DUSP11: variants seen among roughly 807,000 people sequenced by gnomAD.
DUSP11 encodes the protein RNA/RNP complex-1-interacting phosphatase.
Under a neutral mutation model 41.4 loss-of-function variants are expected in DUSP11, and 27 were observed. That is an observed-to-expected ratio of 0.65 (90% confidence interval 0.48 to 0.90). The LOEUF is 0.90. Ranked by LOEUF, DUSP11 falls within the 40% of genes least tolerant of loss-of-function variation. The pLI is 0.00. For synonymous variants in DUSP11, 188 were observed against 159.3 expected (o/e 1.18, Z -1.35); for missense variants, 465 against 461.1 (o/e 1.01, Z -0.08).
rs535251905 is a variant in DUSP11, at chr2:73,779,893, C to T, written c.223G>A (p.Gly75Arg). Residue 75 changes from glycine (G) to arginine (R), a missense_variant, in exon 1 of 9, where the codon GGA becomes AGA. Transcript: ENST00000272444. The stretch of plus-strand genomic sequence containing the variant: ...TACTACCTTTCGGGGATGTGGTTTC[C>T]GCCCTTCTTCTTGGCTGAGGAGCGT... 10 of 1,614,192 alleles carry T rather than the reference C, an allele frequency of 6.2e-6. No individual in the cohort carries two copies. The South Asian group carries it at 9.9e-5, about 16-fold the overall frequency.
intron 2 of DUSP11, among the ~76,000 whole-genome samples, chr2:73,776,888 A>G (rs1344998525): frequency 6.6e-6 from 1 of 152,246 alleles, no homozygotes; most frequent in East Asian, 1.9e-4. Context: ...ATATACGTGA[A>G]GCCCTTTTAT....
At chr2:73,767,527 A>C (rs1369843007) in intron 5 of DUSP11, 2 of 202,164 alleles carry the variant, frequency 9.9e-6, no homozygotes, top group African/African-American at 4.6e-5. Flanking sequence ...GACTTCCTTA[A>C]TATGACAGAG....
rs547503530 is a variant in DUSP11 at position 73,769,332 on chromosome 2, A to G, written c.575-7T>C. The G allele has an allele frequency of 3.1e-6, 5 of 1,604,656 alleles. No individual in the cohort carries two copies. In the South Asian group the frequency reaches 5.5e-5, roughly 18 times the overall value. On this transcript the variant is annotated splice_region_variant and splice_polypyrimidine_tract_variant and intron_variant, in intron 4 of 8. Coordinates refer to ENST00000272444, the Ensembl canonical transcript of DUSP11. ...TGGACACCAATAAGTTTATCTATAA[A>G]AAGAAAATACAGGGTTAAGTAACTG...
intron 4 of DUSP11, among the ~76,000 whole-genome samples, chr2:73,771,201 C>T (rs1334688891): frequency 6.6e-6 from 1 of 152,218 alleles, no homozygotes; most frequent in African/African-American, 2.4e-5. Flanking sequence ...TGTTCTATTT[C>T]CACTTTCTAG....
At chr2:73,774,007 G>C in intron 3 of DUSP11, 84 bp from the exon 4 acceptor site, 2 of 1,180,782 alleles carry the variant, frequency 1.7e-6, no homozygotes, top group African/African-American at 3.1e-5. Flanking sequence ...CAGAATATAA[G>C]CCAAGAGATT....
intron 1 of DUSP11, among the ~76,000 whole-genome samples, chr2:73,779,275 T>C (rs1000529318): frequency 1.3e-5 from 2 of 152,124 alleles, no homozygotes; most frequent in Non-Finnish European, 2.9e-5. Flanking sequence ...AGTCAAAAGA[T>C]AGTAGATAAA....
At chr2:73,764,605 G>A (rs961963348) in intron 8 of DUSP11, among the ~76,000 whole-genome samples, 1 of 152,244 alleles carries the variant, frequency 6.6e-6, no homozygotes, top group African/African-American at 2.4e-5. Flanking sequence ...AAGCAGGTGA[G>A]TAACAAAGCC....
At chr2:73,767,103 T>C in intron 6 of DUSP11, 58 bp downstream of exon 6, 4 of 1,495,180 alleles carry the variant, frequency 2.7e-6, no homozygotes, top group South Asian at 1.2e-5. Context: ...TAAATTCTTC[T>C]ACATTTCCAC....
At chr2:73,770,389 C>T (rs1672551163) in intron 4 of DUSP11, among the ~76,000 whole-genome samples, 1 of 151,872 alleles carries the variant, frequency 6.6e-6, no homozygotes. Context: ...GTGGTGGGTG[C>T]CTGTAATCCC....
intron 5 of DUSP11, chr2:73,767,786 A>G (rs1464385725): frequency 6.5e-6 from 1 of 152,782 alleles, no homozygotes; most frequent in Non-Finnish European, 1.5e-5. Context: ...CCAATCCACC[A>G]TTATGCCTCA....
chr2:73,768,514 T>C (rs963985189), intron 5 of DUSP11: 3 of 985,476 alleles, frequency 3.0e-6, no homozygotes, highest in South Asian at 4.7e-5. Flanking sequence ...TAAGAAATTC[T>C]ATTTTGAGTG....
chr2:73,764,733 G>A (rs953352322), intron 8 of DUSP11, among the ~76,000 whole-genome samples: 4 of 152,286 alleles, frequency 2.6e-5, no homozygotes, highest in South Asian at 2.1e-4. Context: ...TTGGGAGGCC[G>A]AGGCAGGCAG....
chr2:73,780,027 C>T (rs1672761953), exon 1 of DUSP11: 2 of 1,613,924 alleles, frequency 1.2e-6, no homozygotes, highest in East Asian at 2.2e-5. Context: ...AAGCGCCAGT[C>T]CGGCGCCCTC....
In DUSP11 at chr2:73,779,996, AC is replaced by A; in HGVS notation, c.119del (p.Gly40ValfsTer9). ...TCATGTGGGTCCCAAGAAGCCGCCCACCCAATGCCAAGTCGGCCAAAAGCGC... is the reference window on the plus strand; with the variant it reads ...TCATGTGGGTCCCAAGAAGCCGCCCACCAATGCCAAGTCGGCCAAAAGCGC... On this transcript the variant is annotated frameshift_variant, in exon 1 of 9. Transcript: ENST00000272444. LOFTEE classifies it high-confidence loss of function. The A allele has an allele frequency of 1.2e-6, 2 of 1,614,160 alleles. No homozygotes were observed. Among genetic ancestry groups the A allele is most frequent in the Non-Finnish European group, 1.7e-6 (2 of 1,180,016 alleles).
Position 73,774,923 on chromosome 2 carries a change from TA to T in DUSP11, c.439del (p.Tyr147IlefsTer13). 6.3e-7 allele frequency: 1 copy of T among 1,585,186 alleles called. No individual in the cohort carries two copies. The highest frequency in any genetic ancestry group is 8.6e-7 in the Non-Finnish European group (1 of 1,166,458). On this transcript the variant is annotated frameshift_variant, in exon 3 of 9. Coordinates refer to ENST00000272444, the Ensembl canonical transcript of DUSP11. LOFTEE classifies it high-confidence loss of function. ...AAGGGTTCCACTTACCTCTGGTTTA[TA>T]ATAGCGTTGAGTATATGTTAAATCA...
chr2:73,763,081 G>A (rs1002968924), intron 8 of DUSP11, among the ~76,000 whole-genome samples: 4 of 151,720 alleles, frequency 2.6e-5, no homozygotes, highest in African/African-American at 7.3e-5. Flanking sequence ...TCACCTTCAC[G>A]AGCTGTTATG....
At chr2:73,774,264 T>G (rs1182430796) in intron 3 of DUSP11, among the ~76,000 whole-genome samples, 1 of 152,220 alleles carries the variant, frequency 6.6e-6, no homozygotes, top group Non-Finnish European at 1.5e-5. Context: ...GCAGCTATGA[T>G]TTAAGTAGAA....
At chr2:73,776,601 G>A (rs113946740) in intron 2 of DUSP11, among the ~76,000 whole-genome samples, 24 of 151,852 alleles carry the variant, frequency 1.6e-4, no homozygotes, top group Admixed American at 2.6e-4. Context: ...CTGACACATC[G>A]TTATCACCAA....
chr2:73,774,537 T>C (rs1672644660), intron 3 of DUSP11, among the ~76,000 whole-genome samples: 1 of 152,230 alleles, frequency 6.6e-6, no homozygotes, highest in Non-Finnish European at 1.5e-5. Context: ...CACTAAACCA[T>C]AATTCCCTTT....
Sources: allele counts gnomAD v4.1 joint callset (sites outside exome capture counted in the v4.1 genomes callset), GRCh38; gene constraint gnomAD v4.1.1; transcripts MANE v1.5; gene names NCBI Gene and HGNC (gene_info 2026-07-23, HGNC 2026-07-21).